Variants in GNAI2 observed in about 807,000 individuals in gnomAD.
GNAI2 encodes guanine nucleotide-binding protein G(i) subunit alpha-2.
GNAI2 carries 4 observed loss-of-function variants against 36.8 expected under a neutral mutation model. The observed-to-expected ratio is 0.11, with a 90% CI of 0.05 to 0.25. GNAI2 has a LOEUF of 0.25. Among genes scored for constraint, GNAI2 ranks in the 10% least tolerant of loss-of-function variants. GNAI2 has a pLI of 1.00. For synonymous variants in GNAI2, 194 were observed against 194.1 expected (o/e 1.00, Z 0.01); for missense variants, 230 against 481.3 (o/e 0.48, Z 4.89).
chr3:50,251,561 A>T, intron 1 of GNAI2: 1 of 1,190,412 alleles, frequency 8.4e-7, no homozygotes, highest in Non-Finnish European at 1.1e-6. Context: ...CAGTGAGCAG[A>T]GGGCGGGGCA....
intron 1 of GNAI2, chr3:50,251,418 C>T (rs1381719075): frequency 5.8e-6 from 6 of 1,038,990 alleles, no homozygotes; most frequent in Middle Eastern, 4.7e-4. Context: ...TCAGTATGGG[C>T]GTGTGTGGGT....
chr3:50,234,224 G>A (rs1358114775), upstream of GNAI2, among the ~76,000 whole-genome samples: 4 of 145,980 alleles, frequency 2.7e-5, no homozygotes, highest in African/African-American at 7.7e-5. Flanking sequence ...CCGCCACCAC[G>A]CCGGCTAATT....
chr3:50,250,542 TGTGACTGGCA>T (rs1553702298), intron 1 of GNAI2, among the ~76,000 whole-genome samples: 1 of 152,052 alleles, frequency 6.6e-6, no homozygotes, highest in East Asian at 1.9e-4. Flanking sequence ...CAGCTGCAGG[TGTGACTGGCA>T]GTGATGGAGC....
chr3:50,235,238 T>C (rs1553700171), upstream of GNAI2: 1 of 151,174 alleles, frequency 6.6e-6, no homozygotes, highest in African/African-American at 2.4e-5. Flanking sequence ...TGCCTCCCGG[T>C]AGATTGGGGA....
intron 1 of GNAI2, chr3:50,251,865 C>G (rs993237779): frequency 8.8e-7 from 1 of 1,142,560 alleles, no homozygotes; most frequent in Non-Finnish European, 1.2e-6. Flanking sequence ...GAGGCAAAGG[C>G]CTGCAGAGAG....
At chr3:50,240,081 A>C (rs1700265389) in intron 1 of GNAI2, 1 of 152,278 alleles carries the variant, frequency 6.6e-6, no homozygotes, top group Non-Finnish European at 1.5e-5. Flanking sequence ...ATATGGACAG[A>C]ATGAAGTGAT....
rs1291928089 is a variant in GNAI2, at chr3:50,258,387, C to T, written c.*44C>T. ...CTCCAGGGCCACCGCCGACTTTGTA[C>T]CCCCCAACCCCTGAGGAAGATGGGG... On this transcript the variant is annotated 3_prime_UTR_variant, in exon 9 of 9. Transcript: ENST00000313601. The T allele has an allele frequency of 5.8e-5, 9 of 154,066 alleles. No individual in the cohort carries two copies. Among genetic ancestry groups the T allele is most frequent in the Non-Finnish European group, 8.7e-5 (6 of 69,298 alleles). 9.5% of individuals were successfully genotyped at this position (154,066 alleles called of 1,614,324 possible).
chr3:50,227,212 T>A, upstream of GNAI2: 1 of 1,387,950 alleles, frequency 7.2e-7, no homozygotes, highest in Non-Finnish European at 9.4e-7. The surrounding 1 kb of genome is among the most constrained non-coding windows in gnomAD (Gnocchi z 5.9). Context: ...ATGGCGGCTA[T>A]CGCGGAGGAG....
chr3:50,257,502 G>A lies in GNAI2; in HGVS notation c.880G>A (p.Ala294Thr). 3 of 1,554,952 alleles carry A rather than the reference G, an allele frequency of 1.9e-6. No homozygotes were observed. The highest frequency in any genetic ancestry group is 2.4e-5 in the South Asian group (2 of 83,180). The change falls in exon 8 of 9, where the codon GCC becomes ACC. Residue 294 changes from alanine (A) to threonine (T), a missense_variant and splice_region_variant. Transcript: ENST00000313601. ...LTICFPEYTG[A>T]NKYDEAASYI... ...AGTCTTCATTTTCTCTCCCCCAGGG[G>A]CCAACAAATATGATGAGGCAGCCAG...
upstream of GNAI2, among the ~76,000 whole-genome samples, chr3:50,235,735 G>A (rs1285160859): frequency 6.6e-6 from 1 of 152,178 alleles, no homozygotes; most frequent in Admixed American, 6.5e-5. Flanking sequence ...CCCAAAACAA[G>A]TTTACTGGAC....
Position 50,236,267 on chromosome 3 carries a change from T to C in GNAI2, c.-69T>C. On this transcript the variant is annotated 5_prime_UTR_variant, in exon 1 of 9. Transcript: ENST00000313601. This position sits in a 1 kb window ranked among gnomAD's most constrained non-coding sequence, Gnocchi z 4.0. ...GGGCTGGTGGTGGGAGCGGAGTGGG[T>C]CGGGCGGGGCCGAGCCGGGCCGTGG... 8.2e-7 allele frequency: 1 copy of C among 1,221,370 alleles called. No individual in the cohort carries two copies. The highest frequency in any genetic ancestry group is 3.8e-5 in the South Asian group (1 of 26,198). 75.7% of individuals were successfully genotyped at this position (1,221,370 alleles called of 1,614,324 possible).
upstream of GNAI2, chr3:50,236,180 G>T: frequency 8.5e-7 from 1 of 1,171,316 alleles, no homozygotes; most frequent in Non-Finnish European, 1.1e-6. The surrounding 1 kb of genome is among the most constrained non-coding windows in gnomAD (Gnocchi z 4.0). Flanking sequence ...GTCGGTGCGC[G>T]GCGGTAGGGA....
chr3:50,251,901 G>T, intron 1 of GNAI2, 199 bp from the exon 2 acceptor site: 2 of 982,798 alleles, frequency 2.0e-6, no homozygotes, highest in East Asian at 5.7e-5. Flanking sequence ...AGGTGCTCTA[G>T]GTTACCTTGA....
upstream of GNAI2, chr3:50,230,240 A>G: frequency 6.6e-6 from 1 of 152,586 alleles, no homozygotes. Flanking sequence ...CTGGGCTAAG[A>G]AGCAGGAAGG....
upstream of GNAI2, chr3:50,230,473 T>C (rs587716165): frequency 1.3e-5 from 2 of 152,324 alleles, no homozygotes; most frequent in East Asian, 3.9e-4. Flanking sequence ...TCCTGGACTC[T>C]GGGCAGGGAC....
In GNAI2 at chr3:50,251,665, C is replaced by A. The variant is rs782303754; in HGVS notation, c.119-435C>A. 1.2e-5 allele frequency: 16 copies of A among 1,341,504 alleles called. No individual in the cohort carries two copies. In the South Asian group the frequency reaches 1.9e-4, roughly 16 times the overall value. The allele number at this position is 1,341,504 out of a possible 1,614,324, so 83.1% of individuals were successfully genotyped here. On this transcript the variant is annotated intron_variant, in intron 1 of 8. Coordinates refer to ENST00000313601, the MANE Select transcript of GNAI2 (RefSeq NM_002070.4). Reference sequence around the variant, plus strand: ...AGTGTGGGGAGAAGAAGGGCTGCTACCCTGTTGGATGGAGTATGCAGGGCA... The same window carrying A: ...AGTGTGGGGAGAAGAAGGGCTGCTAACCTGTTGGATGGAGTATGCAGGGCA...
chr3:50,228,235 G>A (rs1290034811), upstream of GNAI2, among the ~76,000 whole-genome samples: 1 of 152,150 alleles, frequency 6.6e-6, no homozygotes, highest in Admixed American at 6.5e-5. Context: ...ATAGCAACCA[G>A]AAGGAACTTT....
upstream of GNAI2, chr3:50,229,893 A>T (rs1700043140): frequency 6.6e-6 from 1 of 152,312 alleles, no homozygotes; most frequent in Non-Finnish European, 1.5e-5. Flanking sequence ...TAGGGTTCTC[A>T]GCACATTGGC....
rs910429753 is a variant in GNAI2 at position 50,258,668 on chromosome 3, C to A, written c.*325C>A. The A allele has an allele frequency of 5.8e-6, 2 of 343,848 alleles. No homozygotes were observed. The highest frequency in any genetic ancestry group is 1.1e-5 in the Non-Finnish European group (2 of 177,278). The allele number at this position is 343,848 out of a possible 1,614,324, so 21.3% of individuals were successfully genotyped here. On this transcript the variant is annotated 3_prime_UTR_variant, in exon 9 of 9. Transcript: ENST00000313601. ...GCACATGCTGAGTCTCCCAAGGCTG[C>A]GTCTGGAGGGGCCCCTGCTTCTCCA...
Sources: allele counts gnomAD v4.1 joint callset (sites outside exome capture counted in the v4.1 genomes callset), GRCh38; gene constraint gnomAD v4.1.1; non-coding constraint Gnocchi (gnomAD v3.1); transcripts MANE v1.5; gene names NCBI Gene and HGNC (gene_info 2026-07-23, HGNC 2026-07-21).